Variants in PRKN observed in about 807,000 individuals in gnomAD.
The protein encoded by PRKN is parkin RBR E3 ubiquitin protein ligase, also known as E3 ubiquitin-protein ligase parkin.
PRKN carries 56 observed loss-of-function variants against 59.5 expected under a neutral mutation model. The observed-to-expected ratio is 0.94, with a 90% CI of 0.76 to 1.18. The LOEUF (loss-of-function observed/expected upper bound fraction) is 1.18. PRKN is among the 50% of genes most tolerant of loss of function. The pLI, the probability that PRKN is intolerant of heterozygous loss-of-function variation, is 0.00. For synonymous variants in PRKN, 250 were observed against 222.1 expected, an observed-to-expected ratio of 1.13 and a Z score of -1.12; for missense variants, 657 against 596.4, an observed-to-expected ratio of 1.10 and a Z score of -1.06.
intron 1 of PRKN, among the ~76,000 whole-genome samples, chr6:162,541,387 C>CAGGG (rs1388069562): frequency 6.6e-6 from 1 of 152,202 alleles, no homozygotes; most frequent in Non-Finnish European, 1.5e-5. Context: ...AGGGCAAAGG[C>CAGGG]AGGGGCACAG....
intron 2 of PRKN, among the ~76,000 whole-genome samples, chr6:162,419,737 C>G (rs143679730): frequency 1.2e-3 from 181 of 151,176 alleles, no homozygotes; most frequent in East Asian, 9.9e-3. Context: ...CCTATAATGA[C>G]AGAGAGAGAG....
rs1385483537 is a variant in PRKN, at chr6:162,054,180, G to A, written c.535-6C>T. Reference sequence around the variant, plus strand: ...TCATCCCAGCAAGATGGACCCTTTGGGAAAAAACAACAATATATGCTTATA... The same window carrying A: ...TCATCCCAGCAAGATGGACCCTTTGAGAAAAAACAACAATATATGCTTATA... On this transcript the variant is annotated splice_region_variant and splice_polypyrimidine_tract_variant and intron_variant, in intron 4 of 11. Coordinates refer to ENST00000366898, the MANE Select transcript of PRKN (RefSeq NM_004562.3). 1 of 1,586,870 alleles carries A rather than the reference G, an allele frequency of 6.3e-7. No homozygotes were observed.
At chr6:162,583,109 C>G (rs990502484) in intron 1 of PRKN, among the ~76,000 whole-genome samples, 1 of 152,098 alleles carries the variant, frequency 6.6e-6, no homozygotes, top group Non-Finnish European at 1.5e-5. Flanking sequence ...TTGATCCCCT[C>G]GCTCAGGAGG....
At chr6:161,862,424 T>G (rs1793939800) in intron 6 of PRKN, among the ~76,000 whole-genome samples, 1 of 152,190 alleles carries the variant, frequency 6.6e-6, no homozygotes, top group African/African-American at 2.4e-5. Context: ...ACTGCAACTT[T>G]ATTCACCTCT....
chr6:161,849,218 G>A (rs947580745), intron 6 of PRKN, among the ~76,000 whole-genome samples: 3 of 152,232 alleles, frequency 2.0e-5, no homozygotes, highest in African/African-American at 7.2e-5. Context: ...CCAAACCCAA[G>A]GGCACCTCCT....
At chr6:161,807,260 C>A (rs1271408961) in intron 6 of PRKN, among the ~76,000 whole-genome samples, 3 of 152,190 alleles carry the variant, frequency 2.0e-5, no homozygotes, top group African/African-American at 7.2e-5. Flanking sequence ...CACACGAATA[C>A]ACACACATAC....
At chr6:162,168,556 CAAAA>C (rs771060815) in intron 4 of PRKN, among the ~76,000 whole-genome samples, 1 of 47,316 alleles carries the variant, frequency 2.1e-5, no homozygotes, top group African/African-American at 7.7e-5. Context: ...ATCTGTTTTA[CAAAA>C]AAAAAAAAAA....
rs117437018 is a variant in PRKN at position 161,567,303 on chromosome 6, C to T, written c.933+2052G>A. Among the ~76,000 whole-genome samples, 611 of 152,260 alleles carry T rather than the reference C, an allele frequency of 4.0e-3. 12 individuals are homozygous for T. The East Asian group carries it at 0.065, about 16-fold the overall frequency. On this transcript the variant is annotated intron_variant, in intron 8 of 11. Coordinates refer to ENST00000366898, the MANE Select transcript of PRKN (RefSeq NM_004562.3). ...CCTCAAATGATCTGCCTGCCTTGGC[C>T]TCCCAAAGTGTTATCATTACAGGTG...
chr6:162,407,686 T>C (rs1364790822), intron 2 of PRKN, among the ~76,000 whole-genome samples: 1 of 152,194 alleles, frequency 6.6e-6, no homozygotes, highest in Non-Finnish European at 1.5e-5. Context: ...AATGAAGGGC[T>C]AATGACTGAC....
intron 9 of PRKN, among the ~76,000 whole-genome samples, chr6:161,517,638 G>A (rs1002580156): frequency 6.6e-6 from 1 of 150,934 alleles, no homozygotes; most frequent in Non-Finnish European, 1.5e-5. Context: ...TACTCAGGAG[G>A]CTGAGGCAGG....
intron 7 of PRKN, among the ~76,000 whole-genome samples, chr6:161,724,059 A>G (rs1329087099): frequency 6.6e-6 from 1 of 152,208 alleles, no homozygotes; most frequent in Non-Finnish European, 1.5e-5. Context: ...ACATTTCTCC[A>G]TTCAGTGATG....
chr6:161,573,633 T>C (rs1780981457), intron 7 of PRKN, among the ~76,000 whole-genome samples: 1 of 142,260 alleles, frequency 7.0e-6, no homozygotes. Context: ...GGCAGGAGAA[T>C]GGTGTGAACC....
chr6:161,669,840 C>T (rs1308148776), intron 7 of PRKN, among the ~76,000 whole-genome samples: 1 of 152,248 alleles, frequency 6.6e-6, no homozygotes, highest in Non-Finnish European at 1.5e-5. Context: ...GTTTCACCAT[C>T]CAGGTAACTG....
At chr6:162,274,073 T>A (rs1019077710) in intron 2 of PRKN, among the ~76,000 whole-genome samples, 2 of 152,166 alleles carry the variant, frequency 1.3e-5, no homozygotes, top group African/African-American at 2.4e-5. Flanking sequence ...ATTTTAATTT[T>A]TTCCAAATCT....
rs575733568 is a variant in PRKN at position 162,276,223 on chromosome 6, T to A, written c.172-13458A>T. Reference sequence around the variant, plus strand: ...AAATAATCTCCTTCGTCTTCCATCTTAATCTTCTTTTCTCTTGTTCAAAAT... The same window carrying A: ...AAATAATCTCCTTCGTCTTCCATCTAAATCTTCTTTTCTCTTGTTCAAAAT... On this transcript the variant is annotated intron_variant, in intron 2 of 11. Coordinates refer to ENST00000366898, the MANE Select transcript of PRKN (RefSeq NM_004562.3). Among the ~76,000 whole-genome samples, 7 of 152,332 alleles carry A rather than the reference T, an allele frequency of 4.6e-5. No homozygotes were observed. The East Asian group carries it at 7.7e-4, about 17-fold the overall frequency.
At chr6:162,499,221 G>A (rs1452423649) in intron 1 of PRKN, among the ~76,000 whole-genome samples, 1 of 151,936 alleles carries the variant, frequency 6.6e-6, no homozygotes, top group Non-Finnish European at 1.5e-5. Flanking sequence ...TGTAAATCTT[G>A]TCTCTGCAAG....
chr6:161,498,544 T>A lies in PRKN; in HGVS notation c.1083+50310A>T, dbSNP rs527903868. Among the ~76,000 whole-genome samples the A allele has an allele frequency of 2.6e-5, 4 of 152,206 alleles. No homozygotes were observed. The South Asian group carries it at 8.3e-4, about 32-fold the overall frequency. On this transcript the variant is annotated intron_variant, in intron 9 of 11. Coordinates refer to ENST00000366898, the MANE Select transcript of PRKN (RefSeq NM_004562.3). This position sits in a 1 kb window ranked among gnomAD's most constrained non-coding sequence, Gnocchi z 4.2. ...GTCGTCAAATGCCTTGTTTGGCCAA[T>A]GAAATGTGGGTGGCAATGACATGTG...
At chr6:161,954,877 A>G (rs1784597) in intron 6 of PRKN, among the ~76,000 whole-genome samples, 49,582 of 152,092 alleles carry the variant, frequency 0.33, 8,618 homozygotes, top group Non-Finnish European at 0.38. Context: ...GTTTTCCAGT[A>G]TTGGCTCAGC....
At chr6:161,634,098 T>C (rs1783422909) in intron 7 of PRKN, among the ~76,000 whole-genome samples, 1 of 151,818 alleles carries the variant, frequency 6.6e-6, no homozygotes, top group African/African-American at 2.4e-5. Context: ...AAGTGAGTTA[T>C]CGTTACTGAT....
Sources: gnomAD v4.1 joint callset for allele counts (sites outside exome capture counted in the v4.1 genomes callset) on GRCh38, gnomAD v4.1.1 for gene constraint, Gnocchi (gnomAD v3.1) non-coding constraint, MANE v1.5 for transcripts, NCBI Gene and HGNC (gene_info 2026-07-23, HGNC 2026-07-21) for gene names.